RAD54L2: variants seen among roughly 807,000 people sequenced by gnomAD.
RAD54L2 encodes the protein RAD54 like 2, also known as helicase ARIP4.
RAD54L2 carries 27 observed loss-of-function variants against 138.4 expected under a neutral mutation model. The ratio of observed to expected loss-of-function variants is 0.20; its 90% confidence interval spans 0.14 to 0.27. The LOEUF is 0.27. Ranked by LOEUF, RAD54L2 falls within the 10% of genes least tolerant of loss-of-function variation. The pLI is 1.00. For missense variants in RAD54L2, 1,396 were observed against 1,890.2 expected (o/e 0.74, Z 4.85); for synonymous variants, 644 against 723.2 (o/e 0.89, Z 1.76).
At chr3:51,551,650 G>A (rs1368326933) in intron 2 of RAD54L2, among the ~76,000 whole-genome samples, 1 of 151,744 alleles carries the variant, frequency 6.6e-6, no homozygotes, top group Non-Finnish European at 1.5e-5. Context: ...GGCCAGGCTG[G>A]TCTCGAACTC....
intron 2 of RAD54L2, among the ~76,000 whole-genome samples, chr3:51,558,741 G>A (rs112279311): frequency 0.038 from 5,809 of 152,150 alleles, 394 homozygotes; most frequent in African/African-American, 0.13. Flanking sequence ...AAAGTGCTGG[G>A]ATTACAAGCA....
intron 3 of RAD54L2, among the ~76,000 whole-genome samples, chr3:51,610,943 C>T (rs1330550256): frequency 6.6e-6 from 1 of 152,160 alleles, no homozygotes; most frequent in African/African-American, 2.4e-5. Flanking sequence ...GAATCACTGG[C>T]CCTTTAGTGA....
In RAD54L2 at chr3:51,645,860, C is replaced by T; in HGVS notation, c.2829+97C>T. On this transcript the variant is annotated intron_variant, in intron 18 of 22. Transcript: ENST00000684192. The surrounding 1 kb of genome is among the most constrained non-coding windows in gnomAD (Gnocchi z 6.1). ...TTTTTCTTCATCTGAGGTGATGTTT[C>T]ATGCAGGTGACTTGGACTCAAGGAC... is the stretch of plus-strand genomic sequence containing the variant. 1 of 1,296,456 alleles carries T rather than the reference C, an allele frequency of 7.7e-7. No homozygotes were observed. The highest frequency in any genetic ancestry group is 1.0e-6 in the Non-Finnish European group (1 of 957,626). 80.3% of individuals were successfully genotyped at this position (1,296,456 alleles called of 1,614,324 possible).
At chr3:51,555,876 A>G (rs1320289419) in intron 2 of RAD54L2, among the ~76,000 whole-genome samples, 1 of 152,178 alleles carries the variant, frequency 6.6e-6, no homozygotes, top group South Asian at 2.1e-4. Flanking sequence ...ATTAAAGTCA[A>G]ATGGTTGAAT....
chr3:51,588,844 G>C (rs1365264068), intron 2 of RAD54L2, among the ~76,000 whole-genome samples: 1 of 152,230 alleles, frequency 6.6e-6, no homozygotes, highest in East Asian at 1.9e-4. Context: ...CATACTTCTA[G>C]CTCCTGTGTA....
intron 3 of RAD54L2, among the ~76,000 whole-genome samples, chr3:51,612,691 TAA>T (rs11299726): frequency 0.15 from 21,402 of 141,786 alleles, 2,905 homozygotes; most frequent in East Asian, 0.33. Context: ...GTCTTTGTTG[TAA>T]AAAAAAAAAA....
intron 3 of RAD54L2, among the ~76,000 whole-genome samples, chr3:51,626,184 T>TGG (rs1700676248): frequency 1.3e-5 from 2 of 152,056 alleles, no homozygotes; most frequent in African/African-American, 4.8e-5. Context: ...GTTCTGGCAT[T>TGG]TATATTCTAG....
intron 3 of RAD54L2, among the ~76,000 whole-genome samples, chr3:51,608,878 G>T (rs1381059063): frequency 6.6e-6 from 1 of 152,112 alleles, no homozygotes; most frequent in Non-Finnish European, 1.5e-5. Flanking sequence ...GGGAGGGGCA[G>T]GGGGAGGGAG....
At position 51,637,519 on chromosome 3, in the gene RAD54L2, G is replaced by T; in HGVS notation, c.1682+16G>T. On this transcript the variant is annotated intron_variant, in intron 11 of 22. Transcript: ENST00000684192. This position sits in a 1 kb window ranked among gnomAD's most constrained non-coding sequence, Gnocchi z 5.9. Reference sequence around the variant, plus strand: ...TTGTGCAGAGGTGAGCCATCCTCAGGGTCCTGCTTCCTGAATTTTCAGAGG... The same window carrying T: ...TTGTGCAGAGGTGAGCCATCCTCAGTGTCCTGCTTCCTGAATTTTCAGAGG... 1.3e-6 allele frequency: 2 copies of T among 1,594,514 alleles called. No homozygotes were observed. The highest frequency in any genetic ancestry group is 2.3e-5 in the East Asian group (1 of 44,200).
intron 3 of RAD54L2, among the ~76,000 whole-genome samples, chr3:51,613,331 G>C (rs901521362): frequency 3.3e-5 from 5 of 152,172 alleles, no homozygotes; most frequent in African/African-American, 1.2e-4. Context: ...ACCTCTAGCT[G>C]AGACGTTCCC....
Position 51,643,855 on chromosome 3 carries a change from T to C in RAD54L2, c.2351-20T>C. ...CTTGCTCTAATATATCCACTGCTTA[T>C]GGTTTTCCTTCCTTCCTAGGGCTAG... On this transcript the variant is annotated intron_variant, in intron 15 of 22. Transcript: ENST00000684192. 1 of 1,564,204 alleles carries C rather than the reference T, an allele frequency of 6.4e-7. No individual in the cohort carries two copies. The highest frequency in any genetic ancestry group is 8.7e-7 in the Non-Finnish European group (1 of 1,144,742).
rs901403022 is a variant in RAD54L2 at position 51,634,155 on chromosome 3, G to A, written c.1142+120G>A. ...CATCTAGATTTGTTTTTGGTTTCCT[G>A]ATGTATCACTTTCTCTGTTCTTGCT... On this transcript the variant is annotated intron_variant, in intron 9 of 22. Coordinates refer to ENST00000684192, the MANE Select transcript of RAD54L2 (RefSeq NM_015106.4). 3 of 1,282,744 alleles carry A rather than the reference G, an allele frequency of 2.3e-6. No homozygotes were observed. In the African/African-American group the frequency reaches 4.5e-5, roughly 19 times the overall value. The allele number at this position is 1,282,744 out of a possible 1,614,324, so 79.5% of individuals were successfully genotyped here.
Position 51,645,626 on chromosome 3 carries a change from T to A in RAD54L2, c.2692T>A (p.Phe898Ile). 6.2e-7 allele frequency: 1 copy of A among 1,612,696 alleles called. No homozygotes were observed. The highest frequency in any genetic ancestry group is 8.5e-7 in the Non-Finnish European group (1 of 1,179,436). The part of the protein sequence containing the change: ...VVDDLNPMLN[F>I]TRKEVENLLH... The stretch of plus-strand genomic sequence containing the variant: ...GGATGATCTAAATCCAATGCTGAAC[T>A]TCACACGGAAAGAGGTGGAAAACCT... The change falls in exon 18 of 23, where the codon TTC becomes ATC. Residue 898 changes from phenylalanine (F) to isoleucine (I), a missense_variant. Coordinates refer to ENST00000684192, the MANE Select transcript of RAD54L2 (RefSeq NM_015106.4). The surrounding 1 kb of genome is among the most constrained non-coding windows in gnomAD (Gnocchi z 6.1).
chr3:51,568,086 C>T (rs1317697300), intron 2 of RAD54L2, among the ~76,000 whole-genome samples: 1 of 151,970 alleles, frequency 6.6e-6, no homozygotes, highest in African/African-American at 2.4e-5. Flanking sequence ...TCATGAGATT[C>T]TAGAAATGGA....
intron 3 of RAD54L2, among the ~76,000 whole-genome samples, chr3:51,607,973 G>GCCCCCCACCTCC (rs1157538402): frequency 6.8e-6 from 1 of 146,892 alleles, no homozygotes; most frequent in Non-Finnish European, 1.5e-5. Flanking sequence ...GGTGGGGGCT[G>GCCCCCCACCTCC]CCCCCCACCT....
chr3:51,583,394 C>T (rs1024140039), intron 2 of RAD54L2, among the ~76,000 whole-genome samples: 1 of 151,746 alleles, frequency 6.6e-6, no homozygotes, highest in Non-Finnish European at 1.5e-5. Flanking sequence ...TGGTACTATG[C>T]CAAAACTCTG....
chr3:51,602,327 A>G (rs1258667648), intron 3 of RAD54L2, among the ~76,000 whole-genome samples: 1 of 152,198 alleles, frequency 6.6e-6, no homozygotes, highest in Admixed American at 6.6e-5. Context: ...AAAACTGAGA[A>G]TAGAACTTAG....
intron 3 of RAD54L2, among the ~76,000 whole-genome samples, chr3:51,622,437 T>C (rs1242107334): frequency 6.6e-6 from 1 of 152,188 alleles, no homozygotes; most frequent in East Asian, 1.9e-4. Flanking sequence ...TTTATGTTAA[T>C]GGTATTGCAG....
chr3:51,607,635 G>A (rs1260713016), intron 3 of RAD54L2, among the ~76,000 whole-genome samples: 1 of 152,186 alleles, frequency 6.6e-6, no homozygotes, highest in African/African-American at 2.4e-5. Flanking sequence ...CCTCCCAGAC[G>A]GGGTGGTGGA....
Sources: gnomAD v4.1 joint callset for allele counts (sites outside exome capture counted in the v4.1 genomes callset) on GRCh38, gnomAD v4.1.1 for gene constraint, Gnocchi (gnomAD v3.1) non-coding constraint, MANE v1.5 for transcripts, NCBI Gene and HGNC (gene_info 2026-07-23, HGNC 2026-07-21) for gene names.